Variants in SPCS2 observed in about 807,000 individuals in gnomAD.
SPCS2 encodes signal peptidase complex subunit 2, also known as SPase 25 kDa subunit.
SPCS2 carries 3 observed loss-of-function variants against 22.3 expected under a neutral mutation model. That is an observed-to-expected ratio of 0.13 (90% CI 0.06 to 0.35). The LOEUF (loss-of-function observed/expected upper bound fraction) is 0.35. SPCS2 is among the 10% of genes least tolerant of loss of function. The pLI, the probability that SPCS2 is intolerant of heterozygous loss-of-function variation, is 1.00. For synonymous variants in SPCS2, 67 were observed against 97.2 expected (o/e 0.69, Z 1.83); for missense variants, 169 against 280.9 (o/e 0.60, Z 2.85).
At chr11:74,968,473 C>T (rs922238308) in intron 3 of SPCS2, among the ~76,000 whole-genome samples, 7 of 151,580 alleles carry the variant, frequency 4.6e-5, no homozygotes, top group Admixed American at 2.0e-4. Context: ...GGGCCTGCAC[C>T]ACTACATCCA....
intron 4 of SPCS2, among the ~76,000 whole-genome samples, chr11:74,972,882 A>C (rs934601003): frequency 1.2e-5 from 1 of 85,932 alleles, no homozygotes; most frequent in African/African-American, 4.6e-5. Flanking sequence ...AATGTTTTAT[A>C]TATATATATA....
chr11:74,969,521 TTCTC>T (rs1473821305), intron 3 of SPCS2, 40 bp from the exon 4 acceptor site: 1 of 1,585,952 alleles, frequency 6.3e-7, no homozygotes. Flanking sequence ...TTTGTGTTAC[TTCTC>T]TTTTATGTTT....
chr11:74,974,662 T>C (rs1254031306), intron 4 of SPCS2, among the ~76,000 whole-genome samples: 2 of 152,220 alleles, frequency 1.3e-5, no homozygotes, highest in East Asian at 3.9e-4. Context: ...TCATCTAGGC[T>C]GGAGTGCAGT....
At chr11:74,954,677 G>T (rs1255378635) in intron 1 of SPCS2, among the ~76,000 whole-genome samples, 1 of 152,066 alleles carries the variant, frequency 6.6e-6, no homozygotes, top group Non-Finnish European at 1.5e-5. Flanking sequence ...TTTTAATACT[G>T]TTGCAAACTG....
At chr11:74,956,919 C>G (rs956239004) in intron 1 of SPCS2, among the ~76,000 whole-genome samples, 2 of 152,074 alleles carry the variant, frequency 1.3e-5, no homozygotes, top group Non-Finnish European at 2.9e-5. Context: ...TGGGACACTC[C>G]AGATTTTCTC....
At chr11:74,973,440 A>G (rs748810135) in intron 4 of SPCS2, among the ~76,000 whole-genome samples, 7 of 152,182 alleles carry the variant, frequency 4.6e-5, no homozygotes, top group Admixed American at 2.0e-4. Context: ...CCTGTTTTCT[A>G]TCATGCCTTA....
intron 1 of SPCS2, among the ~76,000 whole-genome samples, chr11:74,956,092 T>C (rs1051307775): frequency 6.6e-6 from 1 of 151,802 alleles, no homozygotes; most frequent in African/African-American, 2.4e-5. Context: ...CTACGTCAAC[T>C]AGTCTTTGTT....
chr11:74,971,424 T>C (rs953331663), intron 4 of SPCS2, among the ~76,000 whole-genome samples: 5 of 152,244 alleles, frequency 3.3e-5, no homozygotes, highest in African/African-American at 4.8e-5. Flanking sequence ...TGCCAGACTG[T>C]TGTCCAAAGT....
chr11:74,956,028 TGAAA>T (rs1217303388), intron 1 of SPCS2, among the ~76,000 whole-genome samples: 1 of 151,454 alleles, frequency 6.6e-6, no homozygotes, highest in African/African-American at 2.4e-5. Flanking sequence ...TCTTTTTTCT[TGAAA>T]TACTTTCTTT....
chr11:74,957,265 G>T (rs146470020), intron 1 of SPCS2, among the ~76,000 whole-genome samples: 6 of 152,258 alleles, frequency 3.9e-5, no homozygotes, highest in African/African-American at 1.4e-4. Context: ...GTCCAACACT[G>T]GAATGAATTG....
At chr11:74,951,968 A>G (rs778905364) in intron 1 of SPCS2, among the ~76,000 whole-genome samples, 26 of 152,274 alleles carry the variant, frequency 1.7e-4, no homozygotes, top group Non-Finnish European at 3.2e-4. Flanking sequence ...TATGTTTCTC[A>G]GGTATTGAGT....
rs77909445 is a variant in SPCS2, at chr11:74,963,253, A to G, written c.115-1781A>G. 6.6e-4 allele frequency among the ~76,000 whole-genome samples: 100 copies of G among 152,334 alleles called. No individual in the cohort carries two copies. The East Asian group carries it at 8.9e-3, about 14-fold the overall frequency. Reference sequence around the variant, plus strand: ...TGTTTGATTTGTAGGCTGGCAGTCTATGGCAGTCAATAGTGCAGTATGCTG... The same window carrying G: ...TGTTTGATTTGTAGGCTGGCAGTCTGTGGCAGTCAATAGTGCAGTATGCTG... On this transcript the variant is annotated intron_variant, in intron 1 of 4. Coordinates refer to ENST00000263672, the MANE Select transcript of SPCS2 (RefSeq NM_014752.3).
At chr11:74,976,764 A>T in intron 4 of SPCS2, 93 bp from the exon 5 acceptor site, 1 of 1,510,368 alleles carries the variant, frequency 6.6e-7, no homozygotes, top group East Asian at 2.3e-5. Flanking sequence ...TGCCCAGCTT[A>T]CTCCTTTTCT....
In SPCS2 at chr11:74,977,151, A is replaced by T. The variant is rs940991427; in HGVS notation, c.*108A>T. 1.0e-5 allele frequency: 13 copies of T among 1,278,994 alleles called. No individual in the cohort carries two copies. Among genetic ancestry groups the T allele is most frequent in the African/African-American group, 1.5e-5 (1 of 65,980 alleles). The allele number at this position is 1,278,994 out of a possible 1,614,324, so 79.2% of individuals were successfully genotyped here. A position where few individuals can be genotyped will look rare whatever the true frequency, so the allele number is the denominator to read the frequency against. On this transcript the variant is annotated 3_prime_UTR_variant, in exon 5 of 5. Coordinates refer to ENST00000263672, the MANE Select transcript of SPCS2 (RefSeq NM_014752.3). ...ATGGGTAAAGTAAGAAATGTTAAAA[A>T]GTCCCTGTTTTGTCCTGAAATTTTA...
intron 1 of SPCS2, chr11:74,963,529 C>A: frequency 2.5e-6 from 1 of 397,184 alleles, no homozygotes; most frequent in Admixed American, 3.0e-5. Flanking sequence ...TATCCCATCT[C>A]TTATTTTATT....
intron 1 of SPCS2, among the ~76,000 whole-genome samples, chr11:74,951,908 C>T (rs1045602494): frequency 2.6e-5 from 4 of 151,204 alleles, no homozygotes; most frequent in African/African-American, 9.7e-5. Flanking sequence ...GAAAGACATG[C>T]CAGGTAAAAA....
At chr11:74,953,402 A>G (rs1275468946) in intron 1 of SPCS2, among the ~76,000 whole-genome samples, 1 of 152,264 alleles carries the variant, frequency 6.6e-6, no homozygotes, top group African/African-American at 2.4e-5. Flanking sequence ...CATGTTGGCC[A>G]GGCTGGTCTC....
At chr11:74,956,295 G>T (rs1208101967) in intron 1 of SPCS2, among the ~76,000 whole-genome samples, 1 of 151,904 alleles carries the variant, frequency 6.6e-6, no homozygotes, top group East Asian at 1.9e-4. Flanking sequence ...TTTCCTATAA[G>T]TCCCAGACTT....
chr11:74,976,477 GTA>G (rs1464433109), intron 4 of SPCS2, among the ~76,000 whole-genome samples: 1 of 152,206 alleles, frequency 6.6e-6, no homozygotes, highest in Non-Finnish European at 1.5e-5. Flanking sequence ...TTATGCCCAA[GTA>G]TAGTGTTAAC....
Sources: allele counts gnomAD v4.1 joint callset (sites outside exome capture counted in the v4.1 genomes callset), GRCh38; gene constraint gnomAD v4.1.1; transcripts MANE v1.5; gene names NCBI Gene and HGNC (gene_info 2026-07-23, HGNC 2026-07-21).